Variants in MAPT observed in about 807,000 individuals in gnomAD.
The protein encoded by MAPT is microtubule-associated protein tau.
Under a neutral mutation model 67.9 loss-of-function variants are expected in MAPT, and 34 were observed. The ratio of observed to expected loss-of-function variants is 0.50; its 90% confidence interval spans 0.38 to 0.67. MAPT has a LOEUF of 0.67. Among genes scored for constraint, MAPT ranks in the 30% least tolerant of loss-of-function variants. MAPT has a pLI of 0.00. For missense variants in MAPT, 881 were observed against 1,115.2 expected, an observed-to-expected ratio of 0.79 and a Z score of 2.99; for synonymous variants, 456 against 464.5, an observed-to-expected ratio of 0.98 and a Z score of 0.23.
At position 45,995,499 on chromosome 17, in the gene MAPT, G is replaced by A. The variant is rs1399750753; in HGVS notation, c.1733-900G>A. Among the ~76,000 whole-genome samples the A allele has an allele frequency of 6.6e-6, 1 of 152,178 alleles. No individual in the cohort carries two copies. Among genetic ancestry groups the A allele is most frequent in the Non-Finnish European group, 1.5e-5 (1 of 68,042 alleles). ...CACACTTTGGAAAATACAGACCCAT[G>A]AGATAGAATACCAGACTGTTGAAGT... On this transcript the variant is annotated intron_variant, in intron 8 of 12. Transcript: ENST00000262410. This position sits in a 1 kb window ranked among gnomAD's most constrained non-coding sequence, Gnocchi z 4.3.
rs117455029 is a variant in MAPT, at chr17:45,995,756, G to A, written c.1733-643G>A. On this transcript the variant is annotated intron_variant, in intron 8 of 12. Coordinates refer to ENST00000262410, the MANE Select transcript of MAPT (RefSeq NM_001377265.1). This position sits in a 1 kb window ranked among gnomAD's most constrained non-coding sequence, Gnocchi z 4.3. ...TGGACAGCTAGGGACAGGCAGGCGTGGAGCAGGCATCCTGTTCTGAAGGCC... is the reference window on the plus strand; with the variant it reads ...TGGACAGCTAGGGACAGGCAGGCGTAGAGCAGGCATCCTGTTCTGAAGGCC... Among the ~76,000 whole-genome samples the A allele has an allele frequency of 0.025, 3,792 of 152,228 alleles. 54 individuals are homozygous for A. Among genetic ancestry groups the A allele is most frequent in the Middle Eastern group, 0.058 (17 of 292 alleles).
chr17:46,010,512 C>T lies in MAPT; in HGVS notation c.2091+110C>T. Reference sequence around the variant, plus strand: ...GCATAGAATAAATCCTTCTTGGGCTCTCAGGATCTGGCTGCGACCTCTGGG... The same window carrying T: ...GCATAGAATAAATCCTTCTTGGGCTTTCAGGATCTGGCTGCGACCTCTGGG... On this transcript the variant is annotated intron_variant, in intron 10 of 12. Transcript: ENST00000262410. This position sits in a 1 kb window ranked among gnomAD's most constrained non-coding sequence, Gnocchi z 4.7. 1.2e-6 allele frequency: 1 copy of T among 840,270 alleles called. No individual in the cohort carries two copies. Among genetic ancestry groups the T allele is most frequent in the Non-Finnish European group, 2.0e-6 (1 of 504,542 alleles). 52.1% of individuals were successfully genotyped at this position (840,270 alleles called of 1,614,324 possible).
At chr17:45,943,685 G>A (rs2068198551) in intron 1 of MAPT, among the ~76,000 whole-genome samples, 1 of 152,078 alleles carries the variant, frequency 6.6e-6, no homozygotes, top group Non-Finnish European at 1.5e-5. Flanking sequence ...CACTGCTCCT[G>A]GGTGCATTAC....
intron 8 of MAPT, among the ~76,000 whole-genome samples, chr17:45,991,894 C>A (rs1258739275): frequency 6.6e-6 from 1 of 151,912 alleles, no homozygotes; most frequent in Non-Finnish European, 1.5e-5. Context: ...AAGCGATTCT[C>A]CTACCTCAGC....
intron 1 of MAPT, among the ~76,000 whole-genome samples, chr17:45,941,061 A>G (rs1018907439): frequency 6.5e-4 from 99 of 152,304 alleles, no homozygotes; most frequent in African/African-American, 2.2e-3. Flanking sequence ...TGTTCTAGCC[A>G]GCCAGAGGGC....
intron 1 of MAPT, among the ~76,000 whole-genome samples, chr17:45,920,039 T>C (rs1445114595): frequency 1.3e-5 from 2 of 152,246 alleles, no homozygotes; most frequent in South Asian, 2.1e-4. Flanking sequence ...CTGGCCTGGG[T>C]ACCTGGCTGC....
chr17:46,024,344 A>AG lies in MAPT; in HGVS notation c.*173_*174insG. On this transcript the variant is annotated 3_prime_UTR_variant, in exon 13 of 13. Transcript: ENST00000262410. ...ACTCGGCTTTGGCTCGGGACTTCAA[A>AG]ATCAGTGATGGGAGTAAGAGCAAAT... The AG allele has an allele frequency of 1.5e-6, 1 of 657,882 alleles. No individual in the cohort carries two copies. Among genetic ancestry groups the AG allele is most frequent in the Non-Finnish European group, 2.7e-6 (1 of 365,232 alleles). The allele number at this position is 657,882 out of a possible 1,614,324, so 40.8% of individuals were successfully genotyped here. A position where few individuals can be genotyped will look rare whatever the true frequency, so the allele number is the denominator to read the frequency against.
chr17:45,903,587 C>T (rs374170450), intron 1 of MAPT, among the ~76,000 whole-genome samples: 22 of 148,100 alleles, frequency 1.5e-4, no homozygotes, highest in Middle Eastern at 3.4e-3. Flanking sequence ...TGGTGGCGGG[C>T]GCCTGTAGTC....
chr17:45,918,177 G>C (rs1374117535), intron 1 of MAPT, among the ~76,000 whole-genome samples: 1 of 152,214 alleles, frequency 6.6e-6, no homozygotes. Flanking sequence ...AAAACTGCTA[G>C]AGCGCTTGTC....
chr17:45,924,935 T>C (rs2066135957), intron 1 of MAPT, among the ~76,000 whole-genome samples: 1 of 152,190 alleles, frequency 6.6e-6, no homozygotes, highest in Non-Finnish European at 1.5e-5. Flanking sequence ...CTGAATTAGG[T>C]TGGACTTTGT....
chr17:45,904,378 A>G (rs1186849816), intron 1 of MAPT, among the ~76,000 whole-genome samples: 1 of 104,584 alleles, frequency 9.6e-6, no homozygotes, highest in Non-Finnish European at 1.9e-5. Context: ...AATATATTTT[A>G]TATATATTAT....
intron 3 of MAPT, 169 bp from the exon 4 acceptor site, chr17:45,978,206 T>C (rs1221502153): frequency 3.0e-6 from 2 of 677,718 alleles, no homozygotes; most frequent in African/African-American, 3.5e-5. Context: ...ACCAGCATCC[T>C]CAGCAATGAC....
At chr17:45,913,412 A>G (rs140673218) in intron 1 of MAPT, among the ~76,000 whole-genome samples, 263 of 152,374 alleles carry the variant, frequency 1.7e-3, no homozygotes, top group Middle Eastern at 6.8e-3. Context: ...ATTTGTTACC[A>G]TATCAGTTAC....
intron 11 of MAPT, among the ~76,000 whole-genome samples, chr17:46,016,964 G>A (rs1241140428): frequency 3.3e-5 from 5 of 152,212 alleles, no homozygotes; most frequent in African/African-American, 4.8e-5. Flanking sequence ...CCCACCCCGA[G>A]AGTCCAGAGC....
rs79447161 is a variant in MAPT at position 45,990,142 on chromosome 17, A to G, written c.1605+67A>G. On this transcript the variant is annotated intron_variant, in intron 7 of 12. Transcript: ENST00000262410. Reference sequence around the variant, plus strand: ...TGGTTTGCAAATGTGGGGTTTGTTTATTTGTTTTTTAGCCTCAAAGACCTT... The same window carrying G: ...TGGTTTGCAAATGTGGGGTTTGTTTGTTTGTTTTTTAGCCTCAAAGACCTT... The G allele has an allele frequency of 0.18, 269,773 of 1,467,548 alleles. 28,782 individuals are homozygous for G. Among genetic ancestry groups the G allele is most frequent in the Non-Finnish European group, 0.22 (228,020 of 1,047,806 alleles). 90.9% of individuals were successfully genotyped at this position (1,467,548 alleles called of 1,614,324 possible). A position where few individuals can be genotyped will look rare whatever the true frequency, so the allele number is the denominator to read the frequency against.
intron 5 of MAPT, among the ~76,000 whole-genome samples, chr17:45,984,939 T>C (rs2073387045): frequency 6.6e-6 from 1 of 152,232 alleles, no homozygotes. Flanking sequence ...GTTGCAAGCA[T>C]CTGTTAAATT....
At chr17:45,986,782 C>T (rs898759064) in intron 5 of MAPT, among the ~76,000 whole-genome samples, 4 of 152,226 alleles carry the variant, frequency 2.6e-5, no homozygotes, top group African/African-American at 9.6e-5. Flanking sequence ...GCTGCGTCCC[C>T]TCTGCATGGT....
chr17:46,001,103 C>G (rs2074961975), intron 9 of MAPT, among the ~76,000 whole-genome samples: 1 of 152,018 alleles, frequency 6.6e-6, no homozygotes, highest in South Asian at 2.1e-4. Flanking sequence ...TTGGCACTCT[C>G]CTGTAGTTCC....
chr17:45,950,381 T>C (rs2068942478), intron 1 of MAPT, among the ~76,000 whole-genome samples: 1 of 152,146 alleles, frequency 6.6e-6, no homozygotes, highest in Non-Finnish European at 1.5e-5. Flanking sequence ...ATGTGAACTC[T>C]GCTGCAAAGA....
Sources: allele counts gnomAD v4.1 joint callset (sites outside exome capture counted in the v4.1 genomes callset), GRCh38; gene constraint gnomAD v4.1.1; non-coding constraint Gnocchi (gnomAD v3.1); transcripts MANE v1.5; gene names NCBI Gene and HGNC (gene_info 2026-07-23, HGNC 2026-07-21).